The following PRKCE variants were observed in gnomAD, a reference collection of about 807,000 sequenced individuals.
PRKCE encodes protein kinase C epsilon type.
Under a neutral mutation model 85.4 loss-of-function variants are expected in PRKCE, and 16 were observed. The observed-to-expected ratio is 0.19, with a 90% CI of 0.13 to 0.28. The LOEUF (loss-of-function observed/expected upper bound fraction) is 0.28. Among genes scored for constraint, PRKCE ranks in the 10% least tolerant of loss-of-function variants. The probability of loss-of-function intolerance (pLI) is 1.00; values close to 1 mark genes in which losing one functional copy is unlikely to be tolerated. For missense variants in PRKCE, 573 were observed against 975.2 expected (o/e 0.59, Z 5.49); for synonymous variants, 388 against 371.5 (o/e 1.04, Z -0.51).
intron 1 of PRKCE, among the ~76,000 whole-genome samples, chr2:45,718,546 G>C (rs1166162761): frequency 1.3e-5 from 2 of 151,968 alleles, no homozygotes; most frequent in Non-Finnish European, 2.9e-5. Flanking sequence ...GTCTCACCAT[G>C]TTGGCCAGGA....
intron 2 of PRKCE, among the ~76,000 whole-genome samples, chr2:45,957,041 T>C (rs1160122854): frequency 6.6e-6 from 1 of 152,230 alleles, no homozygotes; most frequent in Non-Finnish European, 1.5e-5. Flanking sequence ...CTACATGTGT[T>C]TTACCAGATG....
intron 2 of PRKCE, among the ~76,000 whole-genome samples, chr2:45,970,104 C>G (rs1383272304): frequency 6.6e-6 from 1 of 152,194 alleles, no homozygotes; most frequent in Non-Finnish European, 1.5e-5. Context: ...TCTTTGTGGC[C>G]TTCCCTGTGC....
chr2:46,010,269 A>G, intron 9 of PRKCE, 75 bp from the exon 10 acceptor site: 3 of 1,414,548 alleles, frequency 2.1e-6, no homozygotes, highest in Non-Finnish European at 2.8e-6. Flanking sequence ...TTTTTGAAGT[A>G]TTTGGTATTA....
intron 1 of PRKCE, among the ~76,000 whole-genome samples, chr2:45,756,816 TTGTG>T (rs1163572694): frequency 6.6e-6 from 1 of 152,024 alleles, no homozygotes; most frequent in African/African-American, 2.4e-5. Context: ...AGGATGGAGG[TTGTG>T]TGGGAGGGGC....
At chr2:46,056,686 T>C (rs1275029117) in intron 10 of PRKCE, among the ~76,000 whole-genome samples, 1 of 152,222 alleles carries the variant, frequency 6.6e-6, no homozygotes, top group Non-Finnish European at 1.5e-5. Flanking sequence ...TGGATACTAG[T>C]CAAGCCTAGA....
chr2:45,869,143 A>G (rs761872121), intron 2 of PRKCE, among the ~76,000 whole-genome samples: 24 of 152,342 alleles, frequency 1.6e-4, no homozygotes, highest in Non-Finnish European at 2.9e-4. Context: ...TTAGGAGCTG[A>G]TAGAAATATT....
chr2:46,103,339 C>G (rs1159744174), intron 11 of PRKCE, among the ~76,000 whole-genome samples: 4 of 152,114 alleles, frequency 2.6e-5, no homozygotes, highest in African/African-American at 9.7e-5. Context: ...AGCCATTTTC[C>G]TAAGGATCCC....
rs1704997774 is a variant in PRKCE at position 46,004,487 on chromosome 2, A to G, written c.967-55A>G. 2 of 1,418,364 alleles carry G rather than the reference A, an allele frequency of 1.4e-6. No homozygotes were observed. Among genetic ancestry groups the G allele is most frequent in the African/African-American group, 1.4e-5 (1 of 70,694 alleles). 87.9% of individuals were successfully genotyped at this position (1,418,364 alleles called of 1,614,324 possible). A position where few individuals can be genotyped will look rare whatever the true frequency, so the allele number is the denominator to read the frequency against. On this transcript the variant is annotated intron_variant, in intron 7 of 14. Coordinates refer to ENST00000306156, the MANE Select transcript of PRKCE (RefSeq NM_005400.3). The surrounding 1 kb of genome is among the most constrained non-coding windows in gnomAD (Gnocchi z 4.1). ...GGCATCTTGATGCTTTTGACATCAG[A>G]AAACTCTCAACCCTCCCTTCTGATG... is the stretch of plus-strand genomic sequence containing the variant.
chr2:46,157,808 C>T (rs1020140266), intron 13 of PRKCE, among the ~76,000 whole-genome samples: 1 of 152,218 alleles, frequency 6.6e-6, no homozygotes, highest in African/African-American at 2.4e-5. Flanking sequence ...CCCTTGGCCT[C>T]AAAACACTTC....
At chr2:45,883,975 G>T (rs545558715) in intron 2 of PRKCE, among the ~76,000 whole-genome samples, 1 of 152,148 alleles carries the variant, frequency 6.6e-6, no homozygotes, top group African/African-American at 2.4e-5. Context: ...GAATCTTTGA[G>T]ACTGCCCAAG....
At chr2:45,899,843 G>A (rs758593792) in intron 2 of PRKCE, among the ~76,000 whole-genome samples, 13 of 152,222 alleles carry the variant, frequency 8.5e-5, no homozygotes, top group Non-Finnish European at 1.5e-4. Context: ...ACCACCTGGG[G>A]AGAAAGCCAT....
intron 5 of PRKCE, among the ~76,000 whole-genome samples, chr2:45,982,759 C>T (rs1037020872): frequency 6.6e-6 from 1 of 152,340 alleles, no homozygotes. Flanking sequence ...CCTCCTCCCT[C>T]TGTTCTCTGA....
chr2:46,142,659 G>A (rs930737094), intron 11 of PRKCE, among the ~76,000 whole-genome samples: 2 of 152,232 alleles, frequency 1.3e-5, no homozygotes, highest in African/African-American at 4.8e-5. Flanking sequence ...TTCCCCTGGG[G>A]AGAAGAAAGG....
At chr2:46,081,820 G>A (rs1028471832) in intron 10 of PRKCE, among the ~76,000 whole-genome samples, 3 of 152,356 alleles carry the variant, frequency 2.0e-5, no homozygotes, top group African/African-American at 7.2e-5. Context: ...TAGAGGCTGG[G>A]CACGGTGGCT....
intron 14 of PRKCE, among the ~76,000 whole-genome samples, chr2:46,181,187 C>A (rs1013053802): frequency 1.3e-5 from 2 of 152,242 alleles, no homozygotes; most frequent in Non-Finnish European, 2.9e-5. Context: ...ATCTGCAGTT[C>A]TTTGCAAATT....
At chr2:45,791,039 C>T (rs1248513217) in intron 1 of PRKCE, among the ~76,000 whole-genome samples, 9 of 152,232 alleles carry the variant, frequency 5.9e-5, no homozygotes, top group Non-Finnish European at 1.3e-4. Context: ...AGCCCCTCCA[C>T]CTCCGCACAA....
Position 46,184,281 on chromosome 2 carries a change from C to T in PRKCE, c.2068-454C>T, listed in dbSNP as rs281507. Among the ~76,000 whole-genome samples, 73,595 of 151,812 alleles carry T rather than the reference C, an allele frequency of 0.48. 19,140 individuals carry two copies. The highest frequency in any genetic ancestry group is 0.7 in the South Asian group (3,362 of 4,810). On this transcript the variant is annotated intron_variant, in intron 14 of 14. Coordinates refer to ENST00000306156, the MANE Select transcript of PRKCE (RefSeq NM_005400.3). This position sits in a 1 kb window ranked among gnomAD's most constrained non-coding sequence, Gnocchi z 5.0. ...CTTGTGGAGAGGATGTCACCTGGAG[C>T]AGATGTGGCCGGGTTATGGGGAAGA...
intron 1 of PRKCE, among the ~76,000 whole-genome samples, chr2:45,657,945 G>A (rs558556058): frequency 6.6e-6 from 1 of 152,218 alleles, no homozygotes; most frequent in African/African-American, 2.4e-5. Flanking sequence ...AGTTAAGCAG[G>A]ACCCCTGCTG....
At chr2:45,807,684 A>C (rs1407728347) in intron 1 of PRKCE, among the ~76,000 whole-genome samples, 1 of 152,058 alleles carries the variant, frequency 6.6e-6, no homozygotes, top group East Asian at 1.9e-4. Context: ...CAAAGCCAGA[A>C]CTCTGCACCA....
Sources: allele counts gnomAD v4.1 joint callset (sites outside exome capture counted in the v4.1 genomes callset), GRCh38; gene constraint gnomAD v4.1.1; non-coding constraint Gnocchi (gnomAD v3.1); transcripts MANE v1.5; gene names NCBI Gene and HGNC (gene_info 2026-07-23, HGNC 2026-07-21).